CA10: variants seen among roughly 807,000 people sequenced by gnomAD.
CA10 encodes carbonic anhydrase 10 (inactive).
A neutral mutation model predicts 44.2 loss-of-function variants in CA10; 14 were observed. That is an observed-to-expected ratio of 0.32 (90% CI 0.21 to 0.50). The LOEUF (loss-of-function observed/expected upper bound fraction) is 0.50. Among genes scored for constraint, CA10 ranks in the 20% least tolerant of loss-of-function variants. CA10 has a pLI of 0.99. For missense variants in CA10, 350 were observed against 409.7 expected (o/e 0.85, Z 1.26); for synonymous variants, 159 against 141.6 (o/e 1.12, Z -0.87).
chr17:51,684,043 ATTAAG>A (rs1489709447), intron 4 of CA10, among the ~76,000 whole-genome samples: 9 of 152,346 alleles, frequency 5.9e-5, no homozygotes, highest in Middle Eastern at 3.4e-3. Flanking sequence ...TGCAGATGTG[ATTAAG>A]TTAAGGGTCT....
intron 2 of CA10, among the ~76,000 whole-genome samples, chr17:52,054,515 T>C (rs1987168876): frequency 6.6e-6 from 1 of 152,134 alleles, no homozygotes; most frequent in African/African-American, 2.4e-5. Context: ...GATATTTTGT[T>C]ACCTTGTAAA....
intron 4 of CA10, among the ~76,000 whole-genome samples, chr17:51,663,044 C>T (rs7217500): frequency 0.64 from 97,706 of 151,950 alleles, 31,648 homozygotes; most frequent in Middle Eastern, 0.68. Flanking sequence ...CTGATTATTT[C>T]TTTATGCATA....
intron 2 of CA10, among the ~76,000 whole-genome samples, chr17:51,970,621 G>A (rs575465426): frequency 2.0e-5 from 3 of 152,060 alleles, no homozygotes; most frequent in South Asian, 2.1e-4. Context: ...CCATTAACTC[G>A]CATGAGATAA....
intron 1 of CA10, among the ~76,000 whole-genome samples, chr17:52,086,974 T>G (rs574654852): frequency 1.4e-4 from 21 of 152,184 alleles, no homozygotes; most frequent in Admixed American, 1.3e-4. Flanking sequence ...GTTGCCTAAA[T>G]GAAATCAAGA....
At chr17:52,036,259 A>G (rs1223201248) in intron 2 of CA10, among the ~76,000 whole-genome samples, 5 of 152,212 alleles carry the variant, frequency 3.3e-5, no homozygotes, top group Admixed American at 2.0e-4. Flanking sequence ...CAGCAAGTAA[A>G]AGAATTTAGG....
chr17:51,670,220 T>C (rs1053868243), intron 4 of CA10, among the ~76,000 whole-genome samples: 4 of 152,226 alleles, frequency 2.6e-5, no homozygotes, highest in African/African-American at 9.6e-5. Context: ...AAAAGAATTA[T>C]AGTAGCTACC....
At chr17:51,913,055 G>A (rs1266921822) in intron 3 of CA10, among the ~76,000 whole-genome samples, 1 of 152,204 alleles carries the variant, frequency 6.6e-6, no homozygotes, top group African/African-American at 2.4e-5. Flanking sequence ...CTAAGGGGCA[G>A]TGTGGAAGGC....
chr17:51,977,632 G>T (rs1219507021), intron 2 of CA10, among the ~76,000 whole-genome samples: 1 of 151,988 alleles, frequency 6.6e-6, no homozygotes, highest in Non-Finnish European at 1.5e-5. Flanking sequence ...TCTAGAAAAA[G>T]ACACAGATGT....
chr17:51,741,458 C>T (rs1377827262), intron 4 of CA10, among the ~76,000 whole-genome samples: 3 of 152,138 alleles, frequency 2.0e-5, no homozygotes, highest in Non-Finnish European at 2.9e-5. Flanking sequence ...GAATTTAATG[C>T]TTTGGGTAGC....
At chr17:51,714,959 C>G (rs554965279) in intron 4 of CA10, among the ~76,000 whole-genome samples, 8 of 152,264 alleles carry the variant, frequency 5.3e-5, no homozygotes, top group African/African-American at 1.9e-4. Flanking sequence ...TATAAGAATT[C>G]TAGCTTTTCA....
At chr17:51,960,357 A>C (rs372813132) in intron 2 of CA10, among the ~76,000 whole-genome samples, 5 of 152,008 alleles carry the variant, frequency 3.3e-5, no homozygotes, top group Admixed American at 6.6e-5. Flanking sequence ...ATAGCTAAAA[A>C]CTTCTCAAAT....
In CA10 at chr17:52,157,999, G is replaced by A. The variant is rs1441603189; in HGVS notation, c.-213C>T. On this transcript the variant is annotated 5_prime_UTR_variant, in exon 1 of 9. Transcript: ENST00000451037. ...ATCTCCCCTCGGGCTCGACGGATGT[G>A]CGCCCCAGATGTGCTGACACATGTC... 1 of 607,420 alleles carries A rather than the reference G, an allele frequency of 1.6e-6. No individual in the cohort carries two copies. The highest frequency in any genetic ancestry group is 2.8e-5 in the East Asian group (1 of 35,674). 37.6% of individuals were successfully genotyped at this position (607,420 alleles called of 1,614,324 possible). A position where few individuals can be genotyped will look rare whatever the true frequency, so the allele number is the denominator to read the frequency against.
rs1598005373 is a variant in CA10, at chr17:51,716,974, T to C, written c.465+30659A>G. On this transcript the variant is annotated intron_variant, in intron 4 of 8. Transcript: ENST00000451037. The stretch of plus-strand genomic sequence containing the variant: ...ACAGAGAGATGAATTATAGTGTTAC[T>C]TGAGTAATCTATGCAATAGGTTGCT... 2.0e-5 allele frequency among the ~76,000 whole-genome samples: 3 copies of C among 152,310 alleles called. No homozygotes were observed. In the South Asian group the frequency reaches 6.2e-4, roughly 32 times the overall value.
At chr17:52,049,898 G>T (rs529708121) in intron 2 of CA10, among the ~76,000 whole-genome samples, 2 of 152,116 alleles carry the variant, frequency 1.3e-5, no homozygotes, top group East Asian at 3.9e-4. Context: ...TCTATGTTTA[G>T]ATATATTTGG....
chr17:51,670,134 T>C (rs1355458076), intron 4 of CA10, among the ~76,000 whole-genome samples: 1 of 152,152 alleles, frequency 6.6e-6, no homozygotes, highest in Admixed American at 6.5e-5. Flanking sequence ...GAACTGCGAG[T>C]CAATTAAACC....
intron 4 of CA10, among the ~76,000 whole-genome samples, chr17:51,718,399 T>C (rs1328990632): frequency 6.6e-6 from 1 of 152,106 alleles, no homozygotes; most frequent in Non-Finnish European, 1.5e-5. Flanking sequence ...CTTAATCAAT[T>C]GTGCCTAGGT....
At chr17:51,790,191 C>T (rs751369040) in intron 3 of CA10, among the ~76,000 whole-genome samples, 30 of 152,150 alleles carry the variant, frequency 2.0e-4, no homozygotes, top group Non-Finnish European at 3.7e-4. Flanking sequence ...GAGCCAGGGA[C>T]CCTGGTTTAA....
intron 2 of CA10, among the ~76,000 whole-genome samples, chr17:52,046,845 G>A (rs530650357): frequency 6.6e-6 from 1 of 151,990 alleles, no homozygotes; most frequent in Non-Finnish European, 1.5e-5. Flanking sequence ...TCATAGTCAA[G>A]TGCAGTTCAT....
At chr17:52,119,276 A>G (rs992244024) in intron 1 of CA10, among the ~76,000 whole-genome samples, 1 of 128,602 alleles carries the variant, frequency 7.8e-6, no homozygotes, top group African/African-American at 2.7e-5. Flanking sequence ...TATTTGTGTC[A>G]GTGCAATAAG....
Sources: allele counts gnomAD v4.1 joint callset (sites outside exome capture counted in the v4.1 genomes callset), GRCh38; gene constraint gnomAD v4.1.1; transcripts MANE v1.5; gene names NCBI Gene and HGNC (gene_info 2026-07-23, HGNC 2026-07-21).